Variants in LAMA3 observed in about 807,000 individuals in gnomAD.
LAMA3 encodes laminin subunit alpha 3.
In LAMA3, 281 loss-of-function variants were observed where a neutral mutation model predicts 402.0. That is an observed-to-expected ratio of 0.70 (90% CI 0.63 to 0.77). The LOEUF (loss-of-function observed/expected upper bound fraction) is 0.77. LAMA3 is among the 30% of genes least tolerant of loss of function. The probability of loss-of-function intolerance (pLI) is 0.00; values close to 1 mark genes in which losing one functional copy is unlikely to be tolerated. For synonymous variants in LAMA3, 1,431 were observed against 1,558.4 expected (o/e 0.92, Z 1.93); for missense variants, 3,840 against 4,215.5 (o/e 0.91, Z 2.47).
intron 12 of LAMA3, among the ~76,000 whole-genome samples, chr18:23,807,540 T>C (rs2062987414): frequency 6.6e-6 from 1 of 151,898 alleles, no homozygotes; most frequent in South Asian, 2.1e-4. Flanking sequence ...TTTAAGGACT[T>C]GATTCACACA....
At chr18:23,889,014 A>G (rs766184236) in intron 41 of LAMA3, among the ~76,000 whole-genome samples, 4 of 152,138 alleles carry the variant, frequency 2.6e-5, no homozygotes, top group African/African-American at 9.7e-5. Context: ...TCTCATTACT[A>G]TACTATCTAG....
chr18:23,757,668 G>A (rs1300739728), intron 6 of LAMA3, among the ~76,000 whole-genome samples: 1 of 152,192 alleles, frequency 6.6e-6, no homozygotes, highest in Non-Finnish European at 1.5e-5. Context: ...TGCGCAAGAC[G>A]GAATCACACC....
At chr18:23,837,163 T>G (rs2063600136) in intron 25 of LAMA3, 74 bp downstream of exon 25, 1 of 1,058,348 alleles carries the variant, frequency 9.4e-7, no homozygotes, top group East Asian at 2.6e-5. Flanking sequence ...CTTATTAAAA[T>G]TTTGGCTGGG....
chr18:23,858,656 C>T lies in LAMA3; in HGVS notation c.4282-33C>T, dbSNP rs144073673. The T allele has an allele frequency of 4.9e-4, 795 of 1,613,424 alleles. 5 individuals carry two copies. The African/African-American group carries it at 8.0e-3, about 16-fold the overall frequency. ...TTGCAACTAGGGAAATTTTGGAACA[C>T]GTGATCTCTTATTTCATGTTTTGCT... On this transcript the variant is annotated intron_variant, in intron 33 of 74. Coordinates refer to ENST00000313654, the MANE Select transcript of LAMA3 (RefSeq NM_198129.4).
intron 12 of LAMA3, among the ~76,000 whole-genome samples, chr18:23,796,387 T>A (rs1279604297): frequency 1.3e-5 from 2 of 152,062 alleles, no homozygotes; most frequent in Admixed American, 6.6e-5. Context: ...CTGAACAGCA[T>A]GAATGGAGCA....
Position 23,939,365 on chromosome 18 carries a change from C to T in LAMA3, c.9005C>T (p.Pro3002Leu). Reference protein sequence around the residue: ...IPTSHLLFKLPQELLKPRSQF... With the variant: ...IPTSHLLFKLLQELLKPRSQF... ...ACCAGCCACTTGCTATTCAAGCTTCCTCAGGAGCTGCTGAAACCCAGGTAT... is the reference window on the plus strand; with the variant it reads ...ACCAGCCACTTGCTATTCAAGCTTCTTCAGGAGCTGCTGAAACCCAGGTAT... The change falls in exon 68 of 75, where the codon CCT (proline) becomes CTT (leucine). Residue 3002 changes from proline to leucine, a missense_variant. Transcript: ENST00000313654. The T allele has an allele frequency of 6.2e-7, 1 of 1,614,226 alleles. No homozygotes were observed. Among genetic ancestry groups the T allele is most frequent in the Non-Finnish European group, 8.5e-7 (1 of 1,180,030 alleles).
chr18:23,715,229 T>A lies in LAMA3; in HGVS notation c.447+1157T>A, dbSNP rs548238283. ...GTGAATATGCCGAAGACCATTGGCATGTACACTTTAGATGGGTGAACAGTA... is the reference window on the plus strand; with the variant it reads ...GTGAATATGCCGAAGACCATTGGCAAGTACACTTTAGATGGGTGAACAGTA... On this transcript the variant is annotated intron_variant, in intron 2 of 74. Coordinates refer to ENST00000313654, the MANE Select transcript of LAMA3 (RefSeq NM_198129.4). Among the ~76,000 whole-genome samples, 15 of 151,822 alleles carry A rather than the reference T, an allele frequency of 9.9e-5. No individual in the cohort carries two copies. In the South Asian group the frequency reaches 3.1e-3, roughly 32 times the overall value.
chr18:23,837,227 C>T (rs2063601308), intron 25 of LAMA3, 138 bp downstream of exon 25: 2 of 685,146 alleles, frequency 2.9e-6, no homozygotes, highest in Non-Finnish European at 5.3e-6. Context: ...TTTATTCTTC[C>T]CATCTAGAAC....
intron 40 of LAMA3, among the ~76,000 whole-genome samples, chr18:23,882,407 A>G (rs1443166391): frequency 6.6e-6 from 1 of 152,078 alleles, no homozygotes; most frequent in Non-Finnish European, 1.5e-5. Flanking sequence ...AGGAGGGCGG[A>G]TCACTTGAGG....
intron 23 of LAMA3, among the ~76,000 whole-genome samples, chr18:23,832,416 T>G (rs2063506002): frequency 2.0e-5 from 3 of 152,166 alleles, no homozygotes; most frequent in African/African-American, 7.2e-5. Context: ...AAAATAGCAG[T>G]TACGTGGTTC....
chr18:23,780,903 G>A (rs1303285226), intron 11 of LAMA3, among the ~76,000 whole-genome samples: 1 of 152,170 alleles, frequency 6.6e-6, no homozygotes, highest in Non-Finnish European at 1.5e-5. Flanking sequence ...TGATATTTTT[G>A]AAATATCACT....
chr18:23,907,291 C>G (rs1418734677), intron 52 of LAMA3, among the ~76,000 whole-genome samples: 1 of 152,142 alleles, frequency 6.6e-6, no homozygotes, highest in South Asian at 2.1e-4. Context: ...TTAGCCTTCC[C>G]CAAGTTATTC....
intron 6 of LAMA3, among the ~76,000 whole-genome samples, chr18:23,754,939 C>T (rs2061816517): frequency 6.6e-6 from 1 of 152,332 alleles, no homozygotes; most frequent in East Asian, 1.9e-4. Flanking sequence ...TTCTCAAGGT[C>T]TGTGATGTGC....
intron 4 of LAMA3, 123 bp downstream of exon 4, chr18:23,749,669 G>A (rs1398441401): frequency 1.7e-5 from 13 of 767,942 alleles, no homozygotes; most frequent in Non-Finnish European, 3.1e-5. Context: ...ATGGAAACAG[G>A]GCTTGGGACT....
At position 23,846,357 on chromosome 18, in the gene LAMA3, C is replaced by A. The variant is rs1474226746; in HGVS notation, c.3780C>A (p.His1260Gln). 1 of 1,614,138 alleles carries A rather than the reference C, an allele frequency of 6.2e-7. No individual in the cohort carries two copies. Among genetic ancestry groups the A allele is most frequent in the Non-Finnish European group, 8.5e-7 (1 of 1,180,052 alleles). ...NSARSLVAFY[H>Q]KGALPCECHP... Reference sequence around the variant, plus strand: ...CCAGGTCCCTGGTGGCCTTTTACCACAAGGGCGCCCTGCCTTGTGAGTGCC... The same window carrying A: ...CCAGGTCCCTGGTGGCCTTTTACCAAAAGGGCGCCCTGCCTTGTGAGTGCC... The change falls in exon 31 of 75, where the codon CAC (histidine) becomes CAA (glutamine). Residue 1260 changes from histidine to glutamine, a missense_variant. By Grantham distance (24) the His-to-Gln change is conservative. Around this residue, in one of 3 missense-constraint regions of LAMA3, gnomAD observed 2,109 missense variants for 2,376.0 expected, o/e 0.89. Transcript: ENST00000313654.
At chr18:23,904,193 G>A in intron 50 of LAMA3, 106 bp downstream of exon 50, 2 of 1,296,770 alleles carry the variant, frequency 1.5e-6, no homozygotes, top group Non-Finnish European at 1.1e-6. Flanking sequence ...TCCAGAACTG[G>A]GTGGAGGGCG....
chr18:23,939,190 C>G lies in LAMA3; in HGVS notation c.8863-33C>G, dbSNP rs879073819. ...CAAGATAAGCATTCTTCACTCTTTC[C>G]CCTGATAATTGTGTTGCTCTTTTCC... On this transcript the variant is annotated intron_variant, in intron 67 of 74. Transcript: ENST00000313654. 7 of 1,607,878 alleles carry G rather than the reference C, an allele frequency of 4.4e-6. No homozygotes were observed. In the South Asian group the frequency reaches 4.4e-5, roughly 10 times the overall value.
chr18:23,928,030 G>T (rs1568355160), intron 62 of LAMA3, 93 bp from the exon 63 acceptor site: 5 of 872,382 alleles, frequency 5.7e-6, no homozygotes, highest in African/African-American at 1.6e-5. Context: ...CTCATTTATG[G>T]GTGAAAAGTA....
intron 47 of LAMA3, among the ~76,000 whole-genome samples, chr18:23,900,510 G>A (rs73400341): frequency 0.034 from 5,229 of 152,050 alleles, 286 homozygotes; most frequent in African/African-American, 0.12. Flanking sequence ...TTTAGATTAG[G>A]GATGTTCAAA....
Sources: gnomAD v4.1 joint callset for allele counts (sites outside exome capture counted in the v4.1 genomes callset) on GRCh38, gnomAD v4.1.1 for gene constraint, gnomAD v4.1.1 regional missense constraint, MANE v1.5 for transcripts, NCBI Gene and HGNC (gene_info 2026-07-23, HGNC 2026-07-21) for gene names.